Variants in KCNJ16 observed in about 807,000 individuals in gnomAD.
The protein encoded by KCNJ16 is inward rectifier potassium channel 16.
Under a neutral mutation model 18.5 loss-of-function variants are expected in KCNJ16, and 15 were observed. That is an observed-to-expected ratio of 0.81 (90% CI 0.54 to 1.25). KCNJ16 has a LOEUF of 1.25. KCNJ16 is among the 50% of genes most tolerant of loss of function. The pLI, the probability that KCNJ16 is intolerant of heterozygous loss-of-function variation, is 0.00. For synonymous variants in KCNJ16, 174 were observed against 186.5 expected (o/e 0.93, Z 0.55); for missense variants, 523 against 525.7 (o/e 0.99, Z 0.05).
intron 2 of KCNJ16, among the ~76,000 whole-genome samples, chr17:70,126,069 C>G (rs973217959): frequency 2.6e-5 from 4 of 151,984 alleles, no homozygotes; most frequent in African/African-American, 9.7e-5. Flanking sequence ...TATAAGATAA[C>G]AAAGCAAAAA....
intron 2 of KCNJ16, among the ~76,000 whole-genome samples, chr17:70,103,447 G>T (rs2072767415): frequency 6.6e-6 from 1 of 151,186 alleles, no homozygotes; most frequent in African/African-American, 2.4e-5. Flanking sequence ...GATTACAGGG[G>T]TGAGACACTA....
At chr17:70,082,357 C>T (rs2071592737) in intron 1 of KCNJ16, among the ~76,000 whole-genome samples, 1 of 152,036 alleles carries the variant, frequency 6.6e-6, no homozygotes, top group Non-Finnish European at 1.5e-5. Flanking sequence ...AGGAGTATGA[C>T]CTAGAGAGTA....
chr17:70,117,232 A>G (rs1022149024), intron 2 of KCNJ16, among the ~76,000 whole-genome samples: 2 of 152,222 alleles, frequency 1.3e-5, no homozygotes, highest in African/African-American at 4.8e-5. Context: ...GTTCTCACTT[A>G]AAAGTGGAAG....
At chr17:70,108,194 G>A (rs1193968495) in intron 2 of KCNJ16, 1 of 152,210 alleles carries the variant, frequency 6.6e-6, no homozygotes, top group African/African-American at 2.4e-5. Context: ...AGCATACCTA[G>A]ATCACAGTAC....
At chr17:70,075,532 A>C (rs1055412892) in intron 1 of KCNJ16, 142 bp downstream of exon 1, 10 of 152,214 alleles carry the variant, frequency 6.6e-5, no homozygotes, top group African/African-American at 2.2e-4. Flanking sequence ...AAGATAATTT[A>C]ATTTTTTATC....
In KCNJ16 at chr17:70,133,391, C is replaced by A. The variant is rs749576940; in HGVS notation, c.*47C>A. ...GCTACCACTGAATCATTTTATCTTT[C>A]AGCCAATCAAGTCGTTGTAAACGTG... is the stretch of plus-strand genomic sequence containing the variant. On this transcript the variant is annotated 3_prime_UTR_variant, in exon 4 of 4. Coordinates refer to ENST00000392671, the MANE Select transcript of KCNJ16 (RefSeq NM_170741.4). The A allele has an allele frequency of 5.2e-6, 8 of 1,526,522 alleles. No individual in the cohort carries two copies. The Admixed American group carries it at 1.2e-4, about 22-fold the overall frequency. 94.6% of individuals were successfully genotyped at this position (1,526,522 alleles called of 1,614,324 possible).
At chr17:70,120,761 C>T (rs1202693099) in intron 2 of KCNJ16, among the ~76,000 whole-genome samples, 1 of 152,172 alleles carries the variant, frequency 6.6e-6, no homozygotes, top group African/African-American at 2.4e-5. Context: ...ATCCAAACCA[C>T]CTGGCCCCAC....
At chr17:70,114,576 G>A (rs1031385359) in intron 2 of KCNJ16, among the ~76,000 whole-genome samples, 1 of 152,120 alleles carries the variant, frequency 6.6e-6, no homozygotes, top group Non-Finnish European at 1.5e-5. Flanking sequence ...GAAACACCAT[G>A]GAGAGTGTTA....
In KCNJ16 at chr17:70,133,439, T is replaced by C; in HGVS notation, c.*95T>C. On this transcript the variant is annotated 3_prime_UTR_variant, in exon 4 of 4. Coordinates refer to ENST00000392671, the MANE Select transcript of KCNJ16 (RefSeq NM_170741.4). ...GTGGCTTTTTTGAAAGTGTTATGGC[T>C]ATGTTTTATGATGATGCTGGGTAAG... 1.0e-6 allele frequency: 1 copy of C among 968,678 alleles called. No homozygotes were observed. Among genetic ancestry groups the C allele is most frequent in the South Asian group, 1.7e-5 (1 of 59,674 alleles). The allele number at this position is 968,678 out of a possible 1,614,324, so 60.0% of individuals were successfully genotyped here.
chr17:70,105,787 T>G (rs1249681217), intron 2 of KCNJ16, among the ~76,000 whole-genome samples: 1 of 152,210 alleles, frequency 6.6e-6, no homozygotes, highest in Non-Finnish European at 1.5e-5. Flanking sequence ...CCTACTACAT[T>G]CCATGCCTTC....
chr17:70,089,868 G>A (rs1377161595), intron 1 of KCNJ16, among the ~76,000 whole-genome samples: 1 of 152,212 alleles, frequency 6.6e-6, no homozygotes, highest in Admixed American at 6.5e-5. Flanking sequence ...GGCCGATCCT[G>A]CTAACACTTT....
At chr17:70,104,406 A>T (rs775745862) in intron 2 of KCNJ16, among the ~76,000 whole-genome samples, 4 of 152,224 alleles carry the variant, frequency 2.6e-5, no homozygotes, top group Non-Finnish European at 4.4e-5. Flanking sequence ...GGTGGCTGAT[A>T]GTCTTTCTGG....
At position 70,133,095 on chromosome 17, in the gene KCNJ16, C is replaced by T; in HGVS notation, c.1008C>T (p.Ala336=). 6.2e-7 allele frequency: 1 copy of T among 1,614,070 alleles called. No homozygotes were observed. The highest frequency in any genetic ancestry group is 8.5e-7 in the Non-Finnish European group (1 of 1,180,016). The part of the protein sequence containing the change: ...LQFEGSVEVY[A]PFCSAKQLDW... ...TTGAAGGAAGTGTGGAAGTATATGCCCCCTTTTGCAGTGCCAAGCAATTGG... is the reference window on the plus strand; with the variant it reads ...TTGAAGGAAGTGTGGAAGTATATGCTCCCTTTTGCAGTGCCAAGCAATTGG... The change falls in exon 4 of 4, where the codon GCC becomes GCT. Residue 336 remains alanine, a synonymous_variant. Coordinates refer to ENST00000392671, the MANE Select transcript of KCNJ16 (RefSeq NM_170741.4).
chr17:70,126,754 G>T (rs1053016187), intron 2 of KCNJ16, among the ~76,000 whole-genome samples: 3 of 152,126 alleles, frequency 2.0e-5, no homozygotes, highest in Non-Finnish European at 4.4e-5. Context: ...CTAATATTAA[G>T]GGAATTTGAT....
At position 70,134,294 on chromosome 17, in the gene KCNJ16, A is replaced by C. The variant is rs1314570682; in HGVS notation, c.*950A>C. ...ACTTTGGCTGCTACAGAAAGGATAG[A>C]ACCTTTTTGGGGGGAGGGTGGGGAG... On this transcript the variant is annotated 3_prime_UTR_variant, in exon 4 of 4. Transcript: ENST00000392671. The C allele has an allele frequency of 6.1e-6, 1 of 164,460 alleles. No individual in the cohort carries two copies. Among genetic ancestry groups the C allele is most frequent in the Non-Finnish European group, 1.5e-5 (1 of 67,874 alleles). 10.2% of individuals were successfully genotyped at this position (164,460 alleles called of 1,614,324 possible). A position where few individuals can be genotyped will look rare whatever the true frequency, so the allele number is the denominator to read the frequency against.
chr17:70,133,388 T>C lies in KCNJ16; in HGVS notation c.*44T>C, dbSNP rs1165704304. 1 of 1,533,216 alleles carries C rather than the reference T, an allele frequency of 6.5e-7. No individual in the cohort carries two copies. Among genetic ancestry groups the C allele is most frequent in the East Asian group, 2.3e-5 (1 of 44,146 alleles). The allele number at this position is 1,533,216 out of a possible 1,614,324, so 95.0% of individuals were successfully genotyped here. A position where few individuals can be genotyped will look rare whatever the true frequency, so the allele number is the denominator to read the frequency against. On this transcript the variant is annotated 3_prime_UTR_variant, in exon 4 of 4. Coordinates refer to ENST00000392671, the MANE Select transcript of KCNJ16 (RefSeq NM_170741.4). ...AGGGCTACCACTGAATCATTTTATC[T>C]TTCAGCCAATCAAGTCGTTGTAAAC... is the stretch of plus-strand genomic sequence containing the variant.
At chr17:70,112,716 C>T (rs1043955522) in intron 2 of KCNJ16, among the ~76,000 whole-genome samples, 1 of 152,000 alleles carries the variant, frequency 6.6e-6, no homozygotes, top group African/African-American at 2.4e-5. Context: ...CTCTAATCAA[C>T]CTCAAATAAA....
At chr17:70,125,256 C>A (rs558134384) in intron 2 of KCNJ16, among the ~76,000 whole-genome samples, 11 of 146,866 alleles carry the variant, frequency 7.5e-5, no homozygotes, top group African/African-American at 2.0e-4. Flanking sequence ...GGTGACAGAG[C>A]AAGATCCTGT....
At chr17:70,126,862 T>G (rs1737457740) in intron 2 of KCNJ16, among the ~76,000 whole-genome samples, 1 of 152,222 alleles carries the variant, frequency 6.6e-6, no homozygotes, top group South Asian at 2.1e-4. Context: ...TCTACATTTC[T>G]TCTACTTCTT....
Sources: allele counts gnomAD v4.1 joint callset (sites outside exome capture counted in the v4.1 genomes callset), GRCh38; gene constraint gnomAD v4.1.1; transcripts MANE v1.5; gene names NCBI Gene and HGNC (gene_info 2026-07-23, HGNC 2026-07-21).